The following NUSAP1 variants were observed in gnomAD, a reference collection of about 807,000 sequenced individuals.
The protein encoded by NUSAP1 is nucleolar and spindle-associated protein 1.
In NUSAP1, 32 loss-of-function variants were observed where a neutral mutation model predicts 52.8. The ratio of observed to expected loss-of-function variants is 0.61; its 90% CI spans 0.46 to 0.81. The LOEUF (loss-of-function observed/expected upper bound fraction) is 0.81, where lower values mean the gene tolerates loss of function less well. Among genes scored for constraint, NUSAP1 ranks in the 40% least tolerant of loss-of-function variants. The probability of loss-of-function intolerance (pLI) is 0.00; values close to 1 mark genes in which losing one functional copy is unlikely to be tolerated. For missense variants in NUSAP1, 499 were observed against 522.3 expected, an observed-to-expected ratio of 0.96 and a Z score of 0.43; for synonymous variants, 195 against 183.1, an observed-to-expected ratio of 1.06 and a Z score of -0.52.
At chr15:41,376,918 A>G (rs143586707) in intron 9 of NUSAP1, among the ~76,000 whole-genome samples, 9 of 151,944 alleles carry the variant, frequency 5.9e-5, no homozygotes, top group Non-Finnish European at 1.2e-4. Flanking sequence ...CTACTAAAAA[A>G]TACAAAAATT....
Position 41,355,423 on chromosome 15 carries a change from G to A in NUSAP1, c.449-616G>A, listed in dbSNP as rs539645187. Among the ~76,000 whole-genome samples the A allele has an allele frequency of 6.4e-4, 96 of 149,542 alleles. 1 individual carries two copies. The highest frequency in any genetic ancestry group is 1.7e-3 in the South Asian group (8 of 4,670). ...CTTGAACTCATGATCCACCCGCCTC[G>A]GCCTCCCAAAGTGCTGGGATTACAG... On this transcript the variant is annotated intron_variant, in intron 4 of 10. Coordinates refer to ENST00000559596, the MANE Select transcript of NUSAP1 (RefSeq NM_016359.5).
At chr15:41,374,573 G>T (rs2049841276) in intron 8 of NUSAP1, among the ~76,000 whole-genome samples, 1 of 152,110 alleles carries the variant, frequency 6.6e-6, no homozygotes, top group Admixed American at 6.6e-5. Flanking sequence ...CTGTCGCCAG[G>T]CTGGAGTGCT....
chr15:41,338,301 C>G (rs8036026), intron 1 of NUSAP1, among the ~76,000 whole-genome samples: 32,269 of 151,964 alleles, frequency 0.21, 3,711 homozygotes, highest in Non-Finnish European at 0.25. Flanking sequence ...AGTAGGACCT[C>G]TCTCTCCCCT....
rs952962268 is a variant in NUSAP1, at chr15:41,380,944, T to C, written c.*758T>C. ...TTCTTATTCATTTTATGGAAAAGACTAGGCTTTGCTTAGTATCATGTCCAT... is the reference window on the plus strand; with the variant it reads ...TTCTTATTCATTTTATGGAAAAGACCAGGCTTTGCTTAGTATCATGTCCAT... On this transcript the variant is annotated 3_prime_UTR_variant, in exon 11 of 11. Transcript: ENST00000559596. 1 of 152,226 alleles carries C rather than the reference T, an allele frequency of 6.6e-6. No homozygotes were observed. Among genetic ancestry groups the C allele is most frequent in the Non-Finnish European group, 1.5e-5 (1 of 68,032 alleles). The allele number at this position is 152,226 out of a possible 1,614,324, so 9.4% of individuals were successfully genotyped here.
chr15:41,374,841 T>C (rs2049854904), intron 8 of NUSAP1, among the ~76,000 whole-genome samples: 1 of 151,380 alleles, frequency 6.6e-6, no homozygotes, highest in Non-Finnish European at 1.5e-5. Context: ...TTTTCTTTGT[T>C]TGTTTCTTTT....
At chr15:41,349,407 A>C (rs2048700005) in intron 3 of NUSAP1, 166 bp downstream of exon 3, 1 of 602,840 alleles carries the variant, frequency 1.7e-6, no homozygotes, top group South Asian at 2.4e-5. Context: ...TCATCACTGC[A>C]TCCCAGGGCT....
intron 4 of NUSAP1, among the ~76,000 whole-genome samples, chr15:41,354,163 C>T (rs541873400): frequency 2.0e-5 from 3 of 152,256 alleles, no homozygotes; most frequent in Admixed American, 2.0e-4. Flanking sequence ...ATCACTTGTG[C>T]CCAGGATTTT....
chr15:41,372,968 A>G (rs2049763440), intron 8 of NUSAP1, among the ~76,000 whole-genome samples: 1 of 151,916 alleles, frequency 6.6e-6, no homozygotes, highest in South Asian at 2.1e-4. Context: ...TGCACCTATC[A>G]TCCCAACTAC....
intron 1 of NUSAP1, among the ~76,000 whole-genome samples, chr15:41,339,567 T>C (rs2048301655): frequency 6.6e-6 from 1 of 150,652 alleles, no homozygotes; most frequent in Non-Finnish European, 1.5e-5. Flanking sequence ...TGTGCCACCA[T>C]GCCCAGCTAA....
intron 7 of NUSAP1, among the ~76,000 whole-genome samples, chr15:41,370,950 A>G (rs941274696): frequency 2.0e-5 from 3 of 152,124 alleles, no homozygotes; most frequent in African/African-American, 7.2e-5. Flanking sequence ...TTAACTATTG[A>G]CATCTTATGA....
chr15:41,346,792 A>G (rs180916942), intron 2 of NUSAP1, among the ~76,000 whole-genome samples: 1 of 151,404 alleles, frequency 6.6e-6, no homozygotes, highest in Non-Finnish European at 1.5e-5. Context: ...GTGCTATTGC[A>G]CTCCATCCTG....
intron 1 of NUSAP1, among the ~76,000 whole-genome samples, chr15:41,336,468 G>A (rs2048135887): frequency 6.6e-6 from 1 of 151,702 alleles, no homozygotes; most frequent in Admixed American, 6.6e-5. Context: ...CCACTTCCTT[G>A]CACCTCCCTA....
intron 10 of NUSAP1, 48 bp from the exon 11 acceptor site, chr15:41,380,045 C>T: frequency 7.3e-7 from 1 of 1,360,972 alleles, no homozygotes; most frequent in Non-Finnish European, 1.0e-6. Context: ...TTTAAAGTAT[C>T]TGTTTTGGAG....
intron 6 of NUSAP1, among the ~76,000 whole-genome samples, chr15:41,359,760 G>GT (rs2049101247): frequency 6.6e-6 from 1 of 151,554 alleles, no homozygotes; most frequent in South Asian, 2.1e-4. Flanking sequence ...AGCCTCCCCA[G>GT]TAGCTGAGAT....
Position 41,380,082 on chromosome 15 carries a change from A to G in NUSAP1, c.1233-11A>G, listed in dbSNP as rs369370759. 127 of 1,564,732 alleles carry G rather than the reference A, an allele frequency of 8.1e-5. No homozygotes were observed. Among genetic ancestry groups the G allele is most frequent in the South Asian group, 3.2e-4 (27 of 84,734 alleles). ...CTCCCTAGAGCTTAATGTGTGACCT[A>G]TCCCTCTCAGGGAAGAGCAACGGAA... On this transcript the variant is annotated splice_polypyrimidine_tract_variant and intron_variant, in intron 10 of 10. Transcript: ENST00000559596.
At chr15:41,366,181 C>T (rs1236279119) in intron 7 of NUSAP1, among the ~76,000 whole-genome samples, 10 of 152,098 alleles carry the variant, frequency 6.6e-5, no homozygotes, top group Admixed American at 6.6e-4. Context: ...CTACGTTGTC[C>T]AGTCTGGTTT....
At chr15:41,366,508 C>T (rs998561745) in intron 7 of NUSAP1, among the ~76,000 whole-genome samples, 8 of 151,578 alleles carry the variant, frequency 5.3e-5, no homozygotes, top group African/African-American at 1.9e-4. Context: ...TCTTGAACTC[C>T]TGACCTCAGG....
At chr15:41,361,786 C>A (rs1027197868) in intron 6 of NUSAP1, among the ~76,000 whole-genome samples, 6 of 152,048 alleles carry the variant, frequency 3.9e-5, no homozygotes, top group South Asian at 2.1e-4. Flanking sequence ...ACTGTTCACC[C>A]TGAATGTTTA....
chr15:41,364,635 A>G (rs968376111), intron 6 of NUSAP1, among the ~76,000 whole-genome samples: 1 of 152,070 alleles, frequency 6.6e-6, no homozygotes, highest in Non-Finnish European at 1.5e-5. Flanking sequence ...TGGGACACCA[A>G]GGCAGGCAGA....
Sources: gnomAD v4.1 joint callset for allele counts (sites outside exome capture counted in the v4.1 genomes callset) on GRCh38, gnomAD v4.1.1 for gene constraint, MANE v1.5 for transcripts, NCBI Gene and HGNC (gene_info 2026-07-23, HGNC 2026-07-21) for gene names.